SYT16: variants seen among roughly 807,000 people sequenced by gnomAD.
SYT16 encodes synaptotagmin-16.
Under a neutral mutation model 61.4 loss-of-function variants are expected in SYT16, and 42 were observed. That is an observed-to-expected ratio of 0.68 (90% CI 0.53 to 0.89). The LOEUF (loss-of-function observed/expected upper bound fraction) is 0.89, where lower values mean the gene tolerates loss of function less well. Among genes scored for constraint, SYT16 ranks in the 40% least tolerant of loss-of-function variants. The probability of loss-of-function intolerance (pLI) is 0.00; values close to 1 mark genes in which losing one functional copy is unlikely to be tolerated. For missense variants in SYT16, 804 were observed against 807.3 expected, an observed-to-expected ratio of 1.00 and a Z score of 0.05; for synonymous variants, 314 against 302.3, an observed-to-expected ratio of 1.04 and a Z score of -0.40.
intron 3 of SYT16, among the ~76,000 whole-genome samples, chr14:62,056,648 C>T (rs936756445): frequency 2.6e-5 from 4 of 152,168 alleles, no homozygotes; most frequent in Non-Finnish European, 5.9e-5. Context: ...ACATAAGAAA[C>T]GGGTTTCTCT....
chr14:62,100,360 T>C, intron 7 of SYT16, 34 bp from the exon 8 acceptor site: 1 of 1,516,632 alleles, frequency 6.6e-7, no homozygotes. Flanking sequence ...ATGTTTCTTA[T>C]CATCCCCACC....
Position 62,108,636 on chromosome 14 carries a change from T to C in SYT16, c.*7929T>C, listed in dbSNP as rs2057552782. The C allele has an allele frequency of 6.6e-6, 1 of 152,200 alleles. No homozygotes were observed. Among genetic ancestry groups the C allele is most frequent in the Admixed American group, 6.5e-5 (1 of 15,268 alleles). 9.4% of individuals were successfully genotyped at this position (152,200 alleles called of 1,614,324 possible). A position where few individuals can be genotyped will look rare whatever the true frequency, so the allele number is the denominator to read the frequency against. ...TCTACCAAATTATAATACAGTCTTT[T>C]ATTATGCCACCATATGAATGCAGCT... On this transcript the variant is annotated 3_prime_UTR_variant, in exon 8 of 8. Coordinates refer to ENST00000683842, the MANE Select transcript of SYT16 (RefSeq NM_001367656.1).
In SYT16 at chr14:62,030,385, G is replaced by T. The variant is rs538952401; in HGVS notation, c.523+33843G>T. 2.6e-5 allele frequency among the ~76,000 whole-genome samples: 4 copies of T among 152,276 alleles called. No homozygotes were observed. In the East Asian group the frequency reaches 7.7e-4, roughly 29 times the overall value. On this transcript the variant is annotated intron_variant, in intron 3 of 7. Coordinates refer to ENST00000683842, the MANE Select transcript of SYT16 (RefSeq NM_001367656.1). ...TTGAAAATGCAACCATTGTGATGTTGATGTTATGCGATGGATCCTCTGTGT... is the reference window on the plus strand; with the variant it reads ...TTGAAAATGCAACCATTGTGATGTTTATGTTATGCGATGGATCCTCTGTGT...
intron 3 of SYT16, among the ~76,000 whole-genome samples, chr14:62,033,276 T>C (rs2054376777): frequency 6.6e-6 from 1 of 152,082 alleles, no homozygotes; most frequent in South Asian, 2.1e-4. Context: ...CATTTTTTTT[T>C]CTCCTGAAAG....
intron 1 of SYT16, among the ~76,000 whole-genome samples, chr14:61,915,630 C>T (rs1427576402): frequency 6.6e-6 from 1 of 152,136 alleles, no homozygotes; most frequent in Non-Finnish European, 1.5e-5. Context: ...CTTCTCAACA[C>T]ATACCATGAT....
At chr14:61,993,237 G>C (rs2052628623) in intron 2 of SYT16, among the ~76,000 whole-genome samples, 1 of 151,618 alleles carries the variant, frequency 6.6e-6, no homozygotes, top group African/African-American at 2.4e-5. Context: ...CACAGGAAGG[G>C]GAACATCACA....
intron 1 of SYT16, among the ~76,000 whole-genome samples, chr14:61,843,516 T>G (rs984699210): frequency 6.6e-6 from 1 of 152,238 alleles, no homozygotes; most frequent in Admixed American, 6.5e-5. Flanking sequence ...GATGTTTTCT[T>G]GTAGTAGTTT....
intron 3 of SYT16, among the ~76,000 whole-genome samples, chr14:62,012,677 C>T (rs1300866081): frequency 6.6e-6 from 1 of 152,178 alleles, no homozygotes; most frequent in Non-Finnish European, 1.5e-5. Flanking sequence ...GTGGGAGCTA[C>T]TTACATGCCT....
chr14:62,026,358 G>T (rs572312998), intron 3 of SYT16, among the ~76,000 whole-genome samples: 1 of 152,342 alleles, frequency 6.6e-6, no homozygotes, highest in East Asian at 1.9e-4. Flanking sequence ...CAGTTCTGGA[G>T]GTTGGGATAT....
At chr14:62,027,821 C>A (rs2054160103) in intron 3 of SYT16, among the ~76,000 whole-genome samples, 1 of 152,032 alleles carries the variant, frequency 6.6e-6, no homozygotes, top group Non-Finnish European at 1.5e-5. Context: ...TCCTTTTTTG[C>A]CTTCCCCAAG....
In SYT16 at chr14:62,054,842, T is replaced by C. The variant is rs116800579; in HGVS notation, c.524-14761T>C. ...TTTAGAAATTGCCTTGAGGATGATT[T>C]ACAGCATGGGATAGGAAGACTAGTG... On this transcript the variant is annotated intron_variant, in intron 3 of 7. Coordinates refer to ENST00000683842, the MANE Select transcript of SYT16 (RefSeq NM_001367656.1). Among the ~76,000 whole-genome samples, 1,367 of 152,322 alleles carry C rather than the reference T, an allele frequency of 9.0e-3. 18 individuals carry two copies. Among genetic ancestry groups the C allele is most frequent in the African/African-American group, 0.032 (1,312 of 41,568 alleles).
chr14:62,093,979 T>C (rs558405838), intron 7 of SYT16, among the ~76,000 whole-genome samples: 1 of 152,270 alleles, frequency 6.6e-6, no homozygotes, highest in South Asian at 2.1e-4. Flanking sequence ...CCCCGTTTAC[T>C]GAGGTGATGA....
intron 3 of SYT16, among the ~76,000 whole-genome samples, chr14:62,016,186 T>A (rs2053669459): frequency 6.6e-6 from 1 of 152,178 alleles, no homozygotes; most frequent in Admixed American, 6.5e-5. Context: ...GCACTCCAGC[T>A]ATGGAAATGA....
chr14:61,875,178 C>G (rs1309744160), intron 1 of SYT16, among the ~76,000 whole-genome samples: 1 of 152,234 alleles, frequency 6.6e-6, no homozygotes, highest in Non-Finnish European at 1.5e-5. Flanking sequence ...AAGGGCTGCT[C>G]TGTGCATCAC....
intron 5 of SYT16, among the ~76,000 whole-genome samples, chr14:62,076,158 A>G (rs2140959588): frequency 6.6e-6 from 1 of 152,330 alleles, no homozygotes; most frequent in East Asian, 1.9e-4. Flanking sequence ...GGATTTTACC[A>G]AATTGTTTCC....
intron 1 of SYT16, among the ~76,000 whole-genome samples, chr14:61,913,704 T>TGTGTGTGTG (rs149203556): frequency 6.9e-6 from 1 of 145,758 alleles, no homozygotes; most frequent in Admixed American, 6.8e-5. Flanking sequence ...CTTTGGGTCT[T>TGTGTGTGTG]TGTGTGTGTG....
chr14:62,072,100 G>T (rs2056320024), intron 4 of SYT16, among the ~76,000 whole-genome samples: 1 of 152,176 alleles, frequency 6.6e-6, no homozygotes, highest in Admixed American at 6.5e-5. Context: ...GACGTGAAAG[G>T]TTAGCTGTAG....
At chr14:61,832,793 G>C (rs952941482) in intron 1 of SYT16, among the ~76,000 whole-genome samples, 1 of 152,074 alleles carries the variant, frequency 6.6e-6, no homozygotes, top group Non-Finnish European at 1.5e-5. Flanking sequence ...CCTAGCAATA[G>C]TTTTGTTTTC....
At chr14:61,888,212 C>T (rs990727790) in intron 1 of SYT16, among the ~76,000 whole-genome samples, 3 of 151,008 alleles carry the variant, frequency 2.0e-5, no homozygotes, top group Admixed American at 6.6e-5. Flanking sequence ...CCGTCTCCCA[C>T]GTTCTAACGA....
Sources: gnomAD v4.1 joint callset for allele counts (sites outside exome capture counted in the v4.1 genomes callset) on GRCh38, gnomAD v4.1.1 for gene constraint, MANE v1.5 for transcripts, NCBI Gene and HGNC (gene_info 2026-07-23, HGNC 2026-07-21) for gene names.